Variants in DPF3 observed in about 807,000 individuals in gnomAD.
The protein encoded by DPF3 is zinc finger protein DPF3.
DPF3 carries 18 observed loss-of-function variants against 56.8 expected under a neutral mutation model. The observed-to-expected ratio is 0.32, with a 90% CI of 0.22 to 0.47. The LOEUF is 0.47. Among genes scored for constraint, DPF3 ranks in the 20% least tolerant of loss-of-function variants. The pLI is 1.00. For synonymous variants in DPF3, 188 were observed against 180.2 expected (o/e 1.04, Z -0.35); for missense variants, 403 against 488.8 (o/e 0.82, Z 1.65).
chr14:72,749,890 G>C (rs534114861), intron 3 of DPF3, among the ~76,000 whole-genome samples: 1 of 151,752 alleles, frequency 6.6e-6, no homozygotes, highest in South Asian at 2.1e-4. Flanking sequence ...AAGAAAGAGA[G>C]AGAGAGGTAA....
intron 8 of DPF3, among the ~76,000 whole-genome samples, chr14:72,669,108 C>T (rs1006910532): frequency 1.6e-4 from 25 of 152,244 alleles, no homozygotes; most frequent in African/African-American, 6.0e-4. Context: ...ATACACATCT[C>T]AAGCATGAGA....
intron 6 of DPF3, among the ~76,000 whole-genome samples, chr14:72,699,857 G>T (rs1888082779): frequency 6.6e-6 from 1 of 152,232 alleles, no homozygotes. Flanking sequence ...AGTTGCCTTA[G>T]CAAGAAGAGA....
At chr14:72,669,434 T>C (rs1034881783) in intron 8 of DPF3, among the ~76,000 whole-genome samples, 1 of 152,166 alleles carries the variant, frequency 6.6e-6, no homozygotes, top group African/African-American at 2.4e-5. Context: ...AACAGCCAAG[T>C]TGAGTTTTGT....
intron 6 of DPF3, among the ~76,000 whole-genome samples, chr14:72,700,303 C>T (rs563636734): frequency 1.4e-4 from 21 of 152,248 alleles, no homozygotes; most frequent in Non-Finnish European, 1.3e-4. Flanking sequence ...CAGAAAGGCC[C>T]CACACTTGGT....
intron 8 of DPF3, among the ~76,000 whole-genome samples, chr14:72,646,043 T>C (rs971720336): frequency 2.0e-5 from 3 of 152,120 alleles, no homozygotes; most frequent in Non-Finnish European, 2.9e-5. Context: ...ATGCACAGGG[T>C]ATTTTGAGAT....
At chr14:72,830,964 G>T (rs1422380566) in intron 1 of DPF3, among the ~76,000 whole-genome samples, 1 of 152,134 alleles carries the variant, frequency 6.6e-6, no homozygotes, top group African/African-American at 2.4e-5. Flanking sequence ...CTGTGGGTGG[G>T]AGCACTGTGG....
intron 3 of DPF3, 76 bp downstream of exon 3, chr14:72,753,188 C>T: frequency 7.0e-7 from 1 of 1,422,302 alleles, no homozygotes; most frequent in Non-Finnish European, 9.6e-7. Flanking sequence ...AGGAGCAAAC[C>T]AACCTTGTCC....
At chr14:72,845,994 G>A (rs1464948590) in intron 1 of DPF3, among the ~76,000 whole-genome samples, 1 of 152,082 alleles carries the variant, frequency 6.6e-6, no homozygotes, top group Non-Finnish European at 1.5e-5. Flanking sequence ...CTTTCCCCAA[G>A]AGTAAAATTC....
intron 6 of DPF3, among the ~76,000 whole-genome samples, chr14:72,699,462 C>G (rs1267496678): frequency 7.1e-6 from 1 of 140,882 alleles, no homozygotes; most frequent in Non-Finnish European, 1.5e-5. Flanking sequence ...GTCGAGGGTG[C>G]AGTGAGCCAT....
chr14:72,800,684 G>A (rs948145085), intron 1 of DPF3, among the ~76,000 whole-genome samples: 1 of 152,026 alleles, frequency 6.6e-6, no homozygotes, highest in African/African-American at 2.4e-5. Context: ...ATGCATGGAT[G>A]GATGCATGAA....
chr14:72,858,618 C>T (rs964887809), intron 1 of DPF3, among the ~76,000 whole-genome samples: 6 of 152,318 alleles, frequency 3.9e-5, no homozygotes, highest in Non-Finnish European at 8.8e-5. Flanking sequence ...AAAACTAAGG[C>T]GTGGTCCTTC....
chr14:72,620,286 T>C (rs1884350215), intron 9 of DPF3, among the ~76,000 whole-genome samples: 1 of 152,236 alleles, frequency 6.6e-6, no homozygotes, highest in Non-Finnish European at 1.5e-5. Flanking sequence ...AGGGATCCCT[T>C]ATTCTTCTGA....
chr14:72,738,730 T>C (rs963271558), intron 3 of DPF3, among the ~76,000 whole-genome samples: 2 of 152,172 alleles, frequency 1.3e-5, no homozygotes, highest in African/African-American at 2.4e-5. Flanking sequence ...ACTCCAGTTA[T>C]TAGTAATGAA....
chr14:72,840,363 A>G (rs1252791402), intron 1 of DPF3, among the ~76,000 whole-genome samples: 1 of 152,186 alleles, frequency 6.6e-6, no homozygotes, highest in Non-Finnish European at 1.5e-5. Context: ...ATATGTATAC[A>G]TATATATGCA....
intron 2 of DPF3, among the ~76,000 whole-genome samples, chr14:72,761,828 G>GT (rs1891080465): frequency 6.6e-6 from 1 of 151,760 alleles, no homozygotes; most frequent in African/African-American, 2.4e-5. Flanking sequence ...GAATGATGAG[G>GT]TAAAAAATAA....
chr14:72,620,009 G>A, intron 9 of DPF3, 25 bp from the exon 10 acceptor site: 1 of 1,514,016 alleles, frequency 6.6e-7, no homozygotes, highest in Middle Eastern at 1.7e-4. Flanking sequence ...AGTAAGCACA[G>A]AGGAGGAGAG....
In DPF3 at chr14:72,750,693, G is replaced by A. The variant is rs549042982; in HGVS notation, c.301+2571C>T. 1.4e-4 allele frequency among the ~76,000 whole-genome samples: 20 copies of A among 146,020 alleles called. No individual in the cohort carries two copies. The East Asian group carries it at 4.2e-3, about 31-fold the overall frequency. On this transcript the variant is annotated intron_variant, in intron 3 of 10. Coordinates refer to ENST00000556509, the MANE Select transcript of DPF3 (RefSeq NM_001280542.3). ...TCTAAGGCACATTTTTAATTGAAAA[G>A]TGCAAAATCCAAAGTGGTTGTGCTG...
intron 5 of DPF3, among the ~76,000 whole-genome samples, chr14:72,719,261 A>G (rs1889070212): frequency 6.7e-6 from 1 of 150,112 alleles, no homozygotes; most frequent in African/African-American, 2.5e-5. Flanking sequence ...AGTTCTCACC[A>G]TGTTGCCCGC....
Position 72,838,905 on chromosome 14 carries a change from A to ATATATATATATTTTTTTTTTT in DPF3, c.32+55151_32+55152insAAAAAAAAAAATATATATATA. On this transcript the variant is annotated intron_variant, in intron 1 of 10. Coordinates refer to ENST00000556509, the MANE Select transcript of DPF3 (RefSeq NM_001280542.3). ...ATCTATCATATATATTATCATATATATTCTTTTTTTTTTTTTTTTTTTTTT... is the reference window on the plus strand; with the variant it reads ...ATCTATCATATATATTATCATATATATATATATATATTTTTTTTTTTTTCTTTTTTTTTTTTTTTTTTTTTT... Among the ~76,000 whole-genome samples, 2 of 64,480 alleles carry ATATATATATATTTTTTTTTTT rather than the reference A, an allele frequency of 3.1e-5. 1 individual carries two copies. Among genetic ancestry groups the ATATATATATATTTTTTTTTTT allele is most frequent in the Non-Finnish European group, 5.5e-5 (2 of 36,116 alleles). The allele number at this position is 64,480 out of a possible 152,430, so 42.3% of individuals were successfully genotyped here.
Sources: allele counts gnomAD v4.1 joint callset (sites outside exome capture counted in the v4.1 genomes callset), GRCh38; gene constraint gnomAD v4.1.1; transcripts MANE v1.5; gene names NCBI Gene and HGNC (gene_info 2026-07-23, HGNC 2026-07-21).